CAST: variants seen among roughly 807,000 people sequenced by gnomAD.
CAST encodes the protein MIR583 host.
In CAST, 76 loss-of-function variants were observed where a neutral mutation model predicts 119.6. The observed-to-expected ratio is 0.64, with a 90% CI of 0.53 to 0.77. The LOEUF is 0.77. Among genes scored for constraint, CAST ranks in the 30% least tolerant of loss-of-function variants. CAST has a pLI of 0.00. For synonymous variants in CAST, 319 were observed against 331.6 expected (o/e 0.96, Z 0.41); for missense variants, 953 against 946.5 (o/e 1.01, Z -0.09).
chr5:96,705,974 T>G (rs991533829), intron 3 of CAST, among the ~76,000 whole-genome samples: 2 of 152,236 alleles, frequency 1.3e-5, no homozygotes, highest in Non-Finnish European at 2.9e-5. Context: ...TTTGCTACAG[T>G]GATTTCCTCT....
the CAST span, among the ~76,000 whole-genome samples, chr5:95,983,879 C>G: frequency 6.6e-6 from 1 of 152,014 alleles, no homozygotes; most frequent in African/African-American, 2.4e-5. Context: ...ACAGCATACA[C>G]CAAAAGTGGT....
chr5:95,973,812 T>A, the CAST span, among the ~76,000 whole-genome samples: 1 of 152,156 alleles, frequency 6.6e-6, no homozygotes, highest in African/African-American at 2.4e-5. Flanking sequence ...TCCTTTTCAG[T>A]CTTCTTATCC....
the CAST span, among the ~76,000 whole-genome samples, chr5:96,294,190 C>G: frequency 3.3e-5 from 5 of 152,190 alleles, no homozygotes; most frequent in South Asian, 2.1e-4. Flanking sequence ...AGATCATGTG[C>G]TATCTCTATG....
At chr5:96,721,716 A>T (rs1199815802) in intron 3 of CAST, among the ~76,000 whole-genome samples, 1 of 152,206 alleles carries the variant, frequency 6.6e-6, no homozygotes, top group East Asian at 1.9e-4. Flanking sequence ...AGGAGTTTGC[A>T]AAGATTATAA....
chr5:96,674,304 CAT>C lies in CAST; in HGVS notation c.76-1233_76-1232del, dbSNP rs531492717. Among the ~76,000 whole-genome samples the C allele has an allele frequency of 3.6e-3, 544 of 150,386 alleles. 4 individuals are homozygous for C. Among genetic ancestry groups the C allele is most frequent in the African/African-American group, 0.011 (465 of 41,126 alleles). Reference sequence around the variant, plus strand: ...GGAAGTGCCTTGTATATAATAATAACATAAATTATTATTATTACTATTATTAT... The same window carrying C: ...GGAAGTGCCTTGTATATAATAATAACAAATTATTATTATTACTATTATTAT... On this transcript the variant is annotated intron_variant, in intron 1 of 31. Coordinates refer to ENST00000675179, the MANE Select transcript of CAST (RefSeq NM_001750.7).
chr5:96,266,736 A>G, the CAST span, among the ~76,000 whole-genome samples: 2 of 152,224 alleles, frequency 1.3e-5, no homozygotes, highest in East Asian at 3.8e-4. Flanking sequence ...ACTGAAATAC[A>G]TAACTAATTC....
intron 1 of CAST, among the ~76,000 whole-genome samples, chr5:96,655,451 A>C (rs1163119753): frequency 1.3e-5 from 2 of 152,224 alleles, no homozygotes; most frequent in African/African-American, 2.4e-5. Context: ...AAAACTGGAC[A>C]AGAAGAAATG....
chr5:96,238,325 C>CTTCTTCTTCTTCTTCTTCTTCTTT, the CAST span, among the ~76,000 whole-genome samples: 1 of 42,950 alleles, frequency 2.3e-5, no homozygotes, highest in Non-Finnish European at 5.8e-5. Flanking sequence ...TCTTCTTCTT[C>CTTCTTCTTCTTCTTCTTCTTCTTT]TTCTTCTTCT....
the CAST span, among the ~76,000 whole-genome samples, chr5:96,388,875 G>A: frequency 1.3e-5 from 2 of 151,470 alleles, no homozygotes; most frequent in African/African-American, 2.4e-5. Context: ...AACTATTTCT[G>A]TATATATATA....
the CAST span, among the ~76,000 whole-genome samples, chr5:96,464,669 C>A: frequency 6.6e-6 from 1 of 152,004 alleles, no homozygotes; most frequent in Non-Finnish European, 1.5e-5. Flanking sequence ...TTTCCTTTTT[C>A]AAATGGCACT....
the CAST span, among the ~76,000 whole-genome samples, chr5:96,216,109 T>C: frequency 2.0e-5 from 3 of 152,120 alleles, no homozygotes; most frequent in Non-Finnish European, 4.4e-5. Flanking sequence ...TACCTGGCCA[T>C]GATTTTCTTA....
intron 9 of CAST, among the ~76,000 whole-genome samples, chr5:96,733,060 T>TC (rs1450334357): frequency 6.6e-6 from 1 of 152,232 alleles, no homozygotes. Context: ...ATCATTTTTT[T>TC]CCTTCTGGGA....
At chr5:96,538,118 G>T (rs1745851091) in intron 1 of CAST, among the ~76,000 whole-genome samples, 1 of 152,134 alleles carries the variant, frequency 6.6e-6, no homozygotes, top group South Asian at 2.1e-4. Context: ...GCCAGCAAAA[G>T]AAAAACTGTT....
chr5:96,701,982 C>G (rs1252455709), intron 3 of CAST, among the ~76,000 whole-genome samples: 1 of 152,074 alleles, frequency 6.6e-6, no homozygotes, highest in Non-Finnish European at 1.5e-5. Flanking sequence ...CCTTGGCTGC[C>G]TGGTGGGGTA....
the CAST span, among the ~76,000 whole-genome samples, chr5:96,309,967 A>C: frequency 1.1e-4 from 16 of 152,180 alleles, no homozygotes; most frequent in Non-Finnish European, 1.9e-4. Flanking sequence ...CAAACTGTTG[A>C]ATGTAAGTGG....
the CAST span, among the ~76,000 whole-genome samples, chr5:96,250,579 C>A: frequency 6.6e-6 from 1 of 152,062 alleles, no homozygotes; most frequent in South Asian, 2.1e-4. Context: ...AGAATTGCAT[C>A]ACATGCTCAA....
At chr5:96,110,148 A>C in the CAST span, among the ~76,000 whole-genome samples, 3 of 152,164 alleles carry the variant, frequency 2.0e-5, no homozygotes, top group Non-Finnish European at 4.4e-5. Flanking sequence ...ACACCAAATA[A>C]ATACTGTTCA....
chr5:96,681,783 T>A (rs969169263), intron 2 of CAST, among the ~76,000 whole-genome samples: 1 of 151,618 alleles, frequency 6.6e-6, no homozygotes, highest in Non-Finnish European at 1.5e-5. Flanking sequence ...TATATTAATA[T>A]GTGTTTTTCT....
chr5:96,039,398 T>C, the CAST span, among the ~76,000 whole-genome samples: 1 of 152,344 alleles, frequency 6.6e-6, no homozygotes, highest in African/African-American at 2.4e-5. Context: ...TTTGTCAATT[T>C]TGGCTTTTGT....
Sources: gnomAD v4.1 joint callset for allele counts (sites outside exome capture counted in the v4.1 genomes callset) on GRCh38, gnomAD v4.1.1 for gene constraint, MANE v1.5 for transcripts, NCBI Gene and HGNC (gene_info 2026-07-23, HGNC 2026-07-21) for gene names.